Variants in HSPB8 observed in about 807,000 individuals in gnomAD.
HSPB8 encodes heat shock protein family B (small) member 8.
A neutral mutation model predicts 16.5 loss-of-function variants in HSPB8; 9 were observed. That is an observed-to-expected ratio of 0.55 (90% CI 0.33 to 0.95). The LOEUF is 0.95. Ranked by LOEUF, HSPB8 falls within the 40% of genes least tolerant of loss-of-function variation. The pLI, the probability that HSPB8 is intolerant of heterozygous loss-of-function variation, is 0.03. For missense variants in HSPB8, 238 were observed against 251.2 expected (o/e 0.95, Z 0.35); for synonymous variants, 99 against 94.8 (o/e 1.04, Z -0.26).
At chr12:119,193,317 A>G (rs1954723729) in intron 2 of HSPB8, among the ~76,000 whole-genome samples, 1 of 152,328 alleles carries the variant, frequency 6.6e-6, no homozygotes, top group South Asian at 2.1e-4. Flanking sequence ...CATTTCTGCT[A>G]GTAATTGTGG....
rs191192762 is a variant in HSPB8, at chr12:119,179,717, C to T, written c.367+38C>T. The T allele has an allele frequency of 1.4e-4, 218 of 1,542,390 alleles. 2 individuals are homozygous for T. The African/African-American group carries it at 2.4e-3, about 17-fold the overall frequency. On this transcript the variant is annotated intron_variant, in intron 1 of 2. Transcript: ENST00000281938. ...CAGGAGGGAGAGAGAATGGGGAGGC[C>T]GGGATGTAGCCCTCAGCCCTGGGAA...
At chr12:119,181,451 A>G (rs1356641107) in intron 1 of HSPB8, among the ~76,000 whole-genome samples, 1 of 152,228 alleles carries the variant, frequency 6.6e-6, no homozygotes, top group East Asian at 1.9e-4. Flanking sequence ...GGAGACAAAC[A>G]GATAATGCAT....
intron 2 of HSPB8, 60 bp downstream of exon 2, chr12:119,187,148 C>A: frequency 7.3e-7 from 1 of 1,372,834 alleles, no homozygotes; most frequent in Non-Finnish European, 1.0e-6. Context: ...ACACCTGGGA[C>A]CCATGATCTG....
chr12:119,188,026 C>T (rs1038262571), intron 2 of HSPB8, among the ~76,000 whole-genome samples: 1 of 152,046 alleles, frequency 6.6e-6, no homozygotes, highest in Non-Finnish European at 1.5e-5. Flanking sequence ...CTGGGGGAAC[C>T]GTGAGAGCAG....
At chr12:119,182,938 T>G (rs1291296972) in intron 1 of HSPB8, 2 of 152,240 alleles carry the variant, frequency 1.3e-5, no homozygotes, top group African/African-American at 2.4e-5. Flanking sequence ...TGGCTGGTTC[T>G]GAGTCAGGAT....
rs867792716 is a variant in HSPB8 at position 119,189,709 on chromosome 12, C to T, written c.431+2621C>T. 1.8e-4 allele frequency among the ~76,000 whole-genome samples: 27 copies of T among 152,300 alleles called. 1 individual carries two copies. The Middle Eastern group carries it at 0.024, about 134-fold the overall frequency. ...ATGCTGGCTGAACTGCTGCTCACCT[C>T]CTGATGTGAAGCCTGGTTCCTAACA... On this transcript the variant is annotated intron_variant, in intron 2 of 2. Transcript: ENST00000281938.
chr12:119,180,313 C>T (rs1011199996), intron 1 of HSPB8, among the ~76,000 whole-genome samples: 5 of 152,218 alleles, frequency 3.3e-5, no homozygotes, highest in South Asian at 2.1e-4. Context: ...AACTGAGGCA[C>T]GGAGAGATTA....
At chr12:119,180,956 C>G (rs67681082) in intron 1 of HSPB8, among the ~76,000 whole-genome samples, 2 of 152,134 alleles carry the variant, frequency 1.3e-5, no homozygotes, top group East Asian at 3.9e-4. Flanking sequence ...AGCCAGATTT[C>G]TGAGTTGGCT....
At chr12:119,180,088 A>G (rs1191300285) in intron 1 of HSPB8, among the ~76,000 whole-genome samples, 4 of 152,208 alleles carry the variant, frequency 2.6e-5, no homozygotes, top group African/African-American at 9.7e-5. Context: ...GAACAATGAT[A>G]GTGTTAATAA....
intron 1 of HSPB8, 66 bp downstream of exon 1, chr12:119,179,745 G>T (rs557842567): frequency 7.9e-6 from 12 of 1,516,780 alleles, no homozygotes; most frequent in Non-Finnish European, 1.1e-5. Context: ...CCTGGGAATA[G>T]CCAGAGAAAG....
chr12:119,186,291 C>A lies in HSPB8; in HGVS notation c.368-734C>A, dbSNP rs142128683. Among the ~76,000 whole-genome samples the A allele has an allele frequency of 2.0e-4, 30 of 152,292 alleles. No homozygotes were observed. In the East Asian group the frequency reaches 5.2e-3, roughly 26 times the overall value. Reference sequence around the variant, plus strand: ...CTTAGGAAAAGCTGGGTGTTTTTGGCAGATTGAAGCATTCTTTTTCCAGGC... The same window carrying A: ...CTTAGGAAAAGCTGGGTGTTTTTGGAAGATTGAAGCATTCTTTTTCCAGGC... On this transcript the variant is annotated intron_variant, in intron 1 of 2. Coordinates refer to ENST00000281938, the MANE Select transcript of HSPB8 (RefSeq NM_014365.3).
intron 2 of HSPB8, among the ~76,000 whole-genome samples, chr12:119,188,722 T>C (rs1326245219): frequency 6.6e-6 from 1 of 152,184 alleles, no homozygotes; most frequent in East Asian, 1.9e-4. Flanking sequence ...ATCCCTGACC[T>C]CTGAGTTCCA....
intron 1 of HSPB8, chr12:119,186,734 A>G (rs542487868): frequency 2.4e-6 from 1 of 412,612 alleles, no homozygotes; most frequent in African/African-American, 2.0e-5. Context: ...TTGGTACAAC[A>G]CAGAAGTTTC....
chr12:119,188,547 C>T (rs1177706757), intron 2 of HSPB8, among the ~76,000 whole-genome samples: 1 of 152,116 alleles, frequency 6.6e-6, no homozygotes, highest in East Asian at 1.9e-4. Flanking sequence ...TGCGCCTGGC[C>T]CCTAAACTCT....
At chr12:119,179,851 C>T (rs916138990) in intron 1 of HSPB8, among the ~76,000 whole-genome samples, 172 bp downstream of exon 1, 19 of 152,116 alleles carry the variant, frequency 1.2e-4, no homozygotes, top group African/African-American at 3.9e-4. Flanking sequence ...ACTTCTCTCC[C>T]GGCTCCCAGC....
Position 119,178,945 on chromosome 12 carries a change from GGC to G in HSPB8, c.-362_-361del, listed in dbSNP as rs1214720792. 1 of 339,302 alleles carries G rather than the reference GGC, an allele frequency of 2.9e-6. No homozygotes were observed. The highest frequency in any genetic ancestry group is 5.6e-6 in the Non-Finnish European group (1 of 179,424). 21.0% of individuals were successfully genotyped at this position (339,302 alleles called of 1,614,324 possible). On this transcript the variant is annotated 5_prime_UTR_variant, in exon 1 of 3. Coordinates refer to ENST00000281938, the MANE Select transcript of HSPB8 (RefSeq NM_014365.3). ...CAGAAGGAGCCAGAAGAAGTTTCTAGGCGCGCGTGCCCTGGGTTTATTAAGCT... is the reference window on the plus strand; with the variant it reads ...CAGAAGGAGCCAGAAGAAGTTTCTAGGCGCGTGCCCTGGGTTTATTAAGCT...
intron 1 of HSPB8, among the ~76,000 whole-genome samples, chr12:119,184,507 G>A (rs967614008): frequency 1.3e-5 from 2 of 152,210 alleles, no homozygotes; most frequent in Admixed American, 6.5e-5. Context: ...CCAAAGAACA[G>A]ACAGTGCTCT....
intron 1 of HSPB8, among the ~76,000 whole-genome samples, chr12:119,185,660 A>T (rs1362710792): frequency 6.8e-6 from 1 of 147,168 alleles, no homozygotes; most frequent in East Asian, 2.2e-4. Flanking sequence ...TATTTTTAGA[A>T]ACAGTGCCTC....
At chr12:119,190,720 G>A (rs1002467277) in intron 2 of HSPB8, among the ~76,000 whole-genome samples, 7 of 152,092 alleles carry the variant, frequency 4.6e-5, no homozygotes, top group African/African-American at 1.2e-4. Flanking sequence ...ACTGAGGAAA[G>A]CGATCATGAA....
Sources: allele counts gnomAD v4.1 joint callset (sites outside exome capture counted in the v4.1 genomes callset), GRCh38; gene constraint gnomAD v4.1.1; transcripts MANE v1.5; gene names NCBI Gene and HGNC (gene_info 2026-07-23, HGNC 2026-07-21).